Variants in ZNF516 observed in about 807,000 individuals in gnomAD.
The protein encoded by ZNF516 is zinc finger protein 516.
A neutral mutation model predicts 79.7 loss-of-function variants in ZNF516; 19 were observed. That is an observed-to-expected ratio of 0.24 (90% CI 0.17 to 0.35). ZNF516 has a LOEUF of 0.35. ZNF516 is among the 10% of genes least tolerant of loss of function. The pLI, the probability that ZNF516 is intolerant of heterozygous loss-of-function variation, is 1.00. For synonymous variants in ZNF516, 877 were observed against 739.5 expected (o/e 1.19, Z -3.02); for missense variants, 1,678 against 1,679.5 (o/e 1.00, Z 0.02).
At chr18:76,471,483 GA>G (rs921949304) in intron 1 of ZNF516, among the ~76,000 whole-genome samples, 1 of 152,114 alleles carries the variant, frequency 6.6e-6, no homozygotes, top group African/African-American at 2.4e-5. Flanking sequence ...TCCCATCTGT[GA>G]AATGTGTCAT....
intron 3 of ZNF516, 117 bp downstream of exon 3, chr18:76,441,128 A>G (rs375865522): frequency 2.9e-6 from 4 of 1,395,844 alleles, no homozygotes. Context: ...AGCTGAGTAA[A>G]GGGCCACCGG....
At position 76,379,705 on chromosome 18, in the gene ZNF516, G is replaced by A. The variant is rs769924547; in HGVS notation, c.2409C>T (p.Ile803=). The change falls in exon 4 of 7, where the codon ATC becomes ATT. Residue 803 remains isoleucine, a synonymous_variant. Coordinates refer to ENST00000443185, the MANE Select transcript of ZNF516 (RefSeq NM_014643.4). ...PWIQPNGYKS[I]RSNLVFLSRS... is the part of the protein sequence containing the mutation. The stretch of plus-strand genomic sequence containing the variant: ...GGGAAAGGAAAACCAAATTGCTTCT[G>A]ATGCTTTTGTAACCATTGGGCTGAA... The A allele has an allele frequency of 5.6e-6, 9 of 1,613,822 alleles. No homozygotes were observed. The South Asian group carries it at 6.6e-5, about 12-fold the overall frequency.
At chr18:76,470,007 T>C (rs1449614598) in intron 1 of ZNF516, among the ~76,000 whole-genome samples, 2 of 152,262 alleles carry the variant, frequency 1.3e-5, no homozygotes, top group East Asian at 3.8e-4. Context: ...AATAATCTAC[T>C]GTTAAAACTG....
intron 1 of ZNF516, among the ~76,000 whole-genome samples, chr18:76,485,589 A>C (rs571658124): frequency 6.6e-6 from 1 of 152,204 alleles, no homozygotes; most frequent in Non-Finnish European, 1.5e-5. Context: ...CTGGAGACAC[A>C]TTTGCTTTGG....
chr18:76,431,934 G>A (rs906589592), intron 3 of ZNF516, among the ~76,000 whole-genome samples: 5 of 152,160 alleles, frequency 3.3e-5, no homozygotes, highest in African/African-American at 9.7e-5. Context: ...CATGCATTCC[G>A]CCTCCAGGTG....
At position 76,357,846 on chromosome 18, in the gene ZNF516, C is replaced by T. The variant is rs1210407509; in HGVS notation, c.*4652G>A. On this transcript the variant is annotated 3_prime_UTR_variant, in exon 7 of 7. Transcript: ENST00000443185. The stretch of plus-strand genomic sequence containing the variant: ...AGTCAGAATTCCGTCCGCGTCCATC[C>T]CTGTGCGTCCTGTATGGGTGACAGT... 6.6e-6 allele frequency among the ~76,000 whole-genome samples: 1 copy of T among 152,088 alleles called. No homozygotes were observed. Among genetic ancestry groups the T allele is most frequent in the Non-Finnish European group, 1.5e-5 (1 of 68,038 alleles).
chr18:76,476,656 A>G (rs1190548805), intron 1 of ZNF516, among the ~76,000 whole-genome samples: 1 of 152,226 alleles, frequency 6.6e-6, no homozygotes, highest in Non-Finnish European at 1.5e-5. Context: ...GATTAAACGT[A>G]AGCTTGTAGT....
chr18:76,423,431 G>A (rs1365794791), intron 3 of ZNF516, among the ~76,000 whole-genome samples: 1 of 152,188 alleles, frequency 6.6e-6, no homozygotes, highest in Non-Finnish European at 1.5e-5. Context: ...AACACACGCA[G>A]GTGAAAAGGT....
In ZNF516 at chr18:76,442,121, G is replaced by C; in HGVS notation, c.934C>G (p.Leu312Val). The change falls in exon 3 of 7, where the codon CTG becomes GTG. Residue 312 changes from leucine to valine, a missense_variant. Leu to Val is a conservative substitution (Grantham distance 32). Transcript: ENST00000443185. ...TGSKNRPKSE[L>V]DPIATINNVV... is the part of the protein sequence containing the mutation. ...TTGTTGATGGTGGCGATGGGGTCCA[G>C]CTCACTCTTGGGCCTGTTCTTGCTG... 6.2e-7 allele frequency: 1 copy of C among 1,613,964 alleles called. No individual in the cohort carries two copies. Among genetic ancestry groups the C allele is most frequent in the South Asian group, 1.1e-5 (1 of 91,092 alleles).
intron 2 of ZNF516, among the ~76,000 whole-genome samples, chr18:76,457,804 A>AT (rs113926366): frequency 6.6e-6 from 1 of 152,288 alleles, no homozygotes; most frequent in African/African-American, 2.4e-5. Context: ...AATAATCAAC[A>AT]TTTTTTTAAA....
At chr18:76,478,785 G>A (rs7232425) in intron 1 of ZNF516, among the ~76,000 whole-genome samples, 47,997 of 151,982 alleles carry the variant, frequency 0.32, 8,363 homozygotes, top group African/African-American at 0.47. Flanking sequence ...GCTGGGCATG[G>A]TGGCTCAGAC....
rs1379285689 is a variant in ZNF516, at chr18:76,362,433, T to A, written c.*65A>T. On this transcript the variant is annotated 3_prime_UTR_variant, in exon 7 of 7. Transcript: ENST00000443185. Reference sequence around the variant, plus strand: ...GGCCAGGTCACAGGTGGGAGGCTGCTGGGACATCGTGAGGGTACTGCTAAT... The same window carrying A: ...GGCCAGGTCACAGGTGGGAGGCTGCAGGGACATCGTGAGGGTACTGCTAAT... The A allele has an allele frequency of 6.5e-7, 1 of 1,536,408 alleles. No individual in the cohort carries two copies. The highest frequency in any genetic ancestry group is 8.9e-7 in the Non-Finnish European group (1 of 1,118,284).
intron 1 of ZNF516, among the ~76,000 whole-genome samples, chr18:76,486,633 A>G (rs6650696): frequency 0.53 from 80,122 of 151,082 alleles, 23,426 homozygotes; most frequent in Non-Finnish European, 0.64. Context: ...AGGCTGAGCC[A>G]GCACCAGCAA....
At chr18:76,378,251 G>A (rs62110868) in intron 4 of ZNF516, 22,952 of 152,230 alleles carry the variant, frequency 0.15, 1,977 homozygotes, top group Non-Finnish European at 0.2. Flanking sequence ...CTAAGGCAGA[G>A]GGAGAAGGGA....
At position 76,380,246 on chromosome 18, in the gene ZNF516, C is replaced by A; in HGVS notation, c.1868G>T (p.Ser623Ile). The change falls in exon 4 of 7, where the codon AGT (serine) becomes ATT (isoleucine). Residue 623 changes from serine to isoleucine, a missense_variant. Physicochemically the swap from Ser to Ile is moderately radical, Grantham distance 142. Transcript: ENST00000443185. Reference sequence around the variant, plus strand: ...TCCCATCTTGTGACTCTGGTCTCCACTGGAGAGCTCGGTCGAAGTCACCTC... The same window carrying A: ...TCCCATCTTGTGACTCTGGTCTCCAATGGAGAGCTCGGTCGAAGTCACCTC... ...SEEVTSTELS[S>I]GDQSHKMGDN... The A allele has an allele frequency of 6.2e-7, 1 of 1,613,986 alleles. No homozygotes were observed. The highest frequency in any genetic ancestry group is 8.5e-7 in the Non-Finnish European group (1 of 1,179,902).
rs1239181205 is a variant in ZNF516 at position 76,390,366 on chromosome 18, C to A, written c.1811-10063G>T. On this transcript the variant is annotated intron_variant, in intron 3 of 6. Transcript: ENST00000443185. ...ACCATGACTGCAGTTTCTCCAGCCC[C>A]ATGGCACACCTGTGTCAGGGTTTAC... Among the ~76,000 whole-genome samples the A allele has an allele frequency of 2.0e-5, 3 of 152,206 alleles. No individual in the cohort carries two copies. In the East Asian group the frequency reaches 5.8e-4, roughly 29 times the overall value.
chr18:76,468,890 C>A (rs77465224), intron 1 of ZNF516, among the ~76,000 whole-genome samples: 3,452 of 152,198 alleles, frequency 0.023, 128 homozygotes, highest in African/African-American at 0.074. Context: ...TGTTTGTTGC[C>A]AGGACTTTAT....
intron 3 of ZNF516, among the ~76,000 whole-genome samples, chr18:76,417,153 C>T (rs189770046): frequency 1.3e-5 from 2 of 152,262 alleles, no homozygotes; most frequent in African/African-American, 2.4e-5. Context: ...CTTTGAACTC[C>T]GAATGCCTCG....
At chr18:76,491,092 G>A (rs1323384755) in intron 1 of ZNF516, 3 of 985,278 alleles carry the variant, frequency 3.0e-6, no homozygotes, top group South Asian at 4.7e-5. Flanking sequence ...CGTCCTCGGG[G>A]CCACGCCTTT....
Sources: allele counts gnomAD v4.1 joint callset (sites outside exome capture counted in the v4.1 genomes callset), GRCh38; gene constraint gnomAD v4.1.1; transcripts MANE v1.5; gene names NCBI Gene and HGNC (gene_info 2026-07-23, HGNC 2026-07-21).